UGT2B17: variants seen among roughly 807,000 people sequenced by gnomAD.
The protein encoded by UGT2B17 is UDP-glucuronosyltransferase 2B17.
UGT2B17 carries 21 observed loss-of-function variants against 48.2 expected under a neutral mutation model. The ratio of observed to expected loss-of-function variants is 0.44; its 90% confidence interval spans 0.31 to 0.63. The LOEUF (loss-of-function observed/expected upper bound fraction) is 0.63. Ranked by LOEUF, UGT2B17 falls within the 20% of genes least tolerant of loss-of-function variation. The pLI is 0.08. For missense variants in UGT2B17, 402 were observed against 696.1 expected (o/e 0.58, Z 4.75); for synonymous variants, 146 against 238.4 (o/e 0.61, Z 3.57).
In UGT2B17 at chr4:68,550,945, A is replaced by T. The variant is rs200882210; in HGVS notation, c.1094-49T>A. 249 of 1,289,798 alleles carry T rather than the reference A, an allele frequency of 1.9e-4. 53 individuals carry two copies. The highest frequency in any genetic ancestry group is 1.6e-3 in the Admixed American group (74 of 46,358). 79.9% of individuals were successfully genotyped at this position (1,289,798 alleles called of 1,614,324 possible). A position where few individuals can be genotyped will look rare whatever the true frequency, so the allele number is the denominator to read the frequency against. Reference sequence around the variant, plus strand: ...AAGTTATTAATTATAAGGCACAGGAATTGAATAAGAAATGCACAATATAAG... The same window carrying T: ...AAGTTATTAATTATAAGGCACAGGATTTGAATAAGAAATGCACAATATAAG... On this transcript the variant is annotated intron_variant, in intron 5 of 6. Coordinates refer to ENST00000317746, the MANE Select transcript of UGT2B17 (RefSeq NM_001077.4).
rs1182011820 is a variant in UGT2B17 at position 68,564,294 on chromosome 4, A to ATTTT, written c.873+1274_873+1277dup. ...ATTTCATATATATATATATATATAT[A>ATTTT]TTTTTTTTTTTTGAGACAGAGTCTC... On this transcript the variant is annotated intron_variant, in intron 3 of 6. Transcript: ENST00000317746. Among the ~76,000 whole-genome samples the ATTTT allele has an allele frequency of 6.6e-4, 50 of 75,762 alleles. 9 individuals carry two copies. Among genetic ancestry groups the ATTTT allele is most frequent in the African/African-American group, 2.4e-3 (47 of 19,708 alleles). 49.7% of individuals were successfully genotyped at this position (75,762 alleles called of 152,430 possible). A position where few individuals can be genotyped will look rare whatever the true frequency, so the allele number is the denominator to read the frequency against.
At chr4:68,571,038 G>T (rs554714997) in intron 1 of UGT2B17, among the ~76,000 whole-genome samples, 2 of 125,802 alleles carry the variant, frequency 1.6e-5, no homozygotes, top group Admixed American at 1.6e-4. Context: ...GTCTCTTGCC[G>T]GGCAAGAACG....
chr4:68,565,755 C>A lies in UGT2B17; in HGVS notation c.725-35G>T, dbSNP rs1279077033. Reference sequence around the variant, plus strand: ...AAAAACAAAACAAAACAAAAGGTAGCTAACACGAGAATTGTTATTTTAATA... The same window carrying A: ...AAAAACAAAACAAAACAAAAGGTAGATAACACGAGAATTGTTATTTTAATA... On this transcript the variant is annotated intron_variant, in intron 2 of 6. Coordinates refer to ENST00000317746, the MANE Select transcript of UGT2B17 (RefSeq NM_001077.4). 4.6e-6 allele frequency: 6 copies of A among 1,316,628 alleles called. 1 individual carries two copies. The highest frequency in any genetic ancestry group is 2.3e-5 in the Admixed American group (1 of 42,682). 81.6% of individuals were successfully genotyped at this position (1,316,628 alleles called of 1,614,324 possible).
chr4:68,562,270 C>T (rs1429796257), intron 3 of UGT2B17, among the ~76,000 whole-genome samples: 1 of 124,152 alleles, frequency 8.1e-6, no homozygotes, highest in Non-Finnish European at 1.7e-5. Flanking sequence ...CACCTGCCAC[C>T]ACGCCTGGCT....
chr4:68,544,406 TCAC>T lies in UGT2B17; in HGVS notation c.1313+6268_1313+6270del, dbSNP rs1269048247. 4.0e-5 allele frequency among the ~76,000 whole-genome samples: 5 copies of T among 125,700 alleles called. 1 individual carries two copies. The highest frequency in any genetic ancestry group is 1.4e-4 in the African/African-American group (5 of 36,800). The allele number at this position is 125,700 out of a possible 152,430, so 82.5% of individuals were successfully genotyped here. A position where few individuals can be genotyped will look rare whatever the true frequency, so the allele number is the denominator to read the frequency against. ...GACAAGCAAATGCTGAGAGATTTTG[TCAC>T]CACCAGGCCTGCCCTAAAAGAGCTC... is the stretch of plus-strand genomic sequence containing the variant. On this transcript the variant is annotated intron_variant, in intron 6 of 6. Coordinates refer to ENST00000317746, the MANE Select transcript of UGT2B17 (RefSeq NM_001077.4).
At chr4:68,562,148 C>G (rs1448894139) in intron 3 of UGT2B17, among the ~76,000 whole-genome samples, 1 of 124,006 alleles carries the variant, frequency 8.1e-6, no homozygotes, top group Non-Finnish European at 1.7e-5. Flanking sequence ...TGGAGTCTTG[C>G]TCTGTCACCT....
intron 6 of UGT2B17, among the ~76,000 whole-genome samples, chr4:68,541,826 G>A (rs188281112): frequency 7.9e-6 from 1 of 126,556 alleles, no homozygotes; most frequent in Non-Finnish European, 1.7e-5. Flanking sequence ...TTTGTATAAG[G>A]TGTAAGGCAG....
chr4:68,574,034 G>A (rs1260981739), intron 1 of UGT2B17, among the ~76,000 whole-genome samples: 1 of 126,684 alleles, frequency 7.9e-6, no homozygotes, highest in African/African-American at 2.7e-5. Context: ...AGTGGGAAGG[G>A]GACAATTAGG....
intron 1 of UGT2B17, among the ~76,000 whole-genome samples, chr4:68,573,252 T>TGGCCAGGAACCTCC (rs1731321682): frequency 7.8e-6 from 1 of 127,484 alleles, no homozygotes; most frequent in African/African-American, 2.7e-5. Flanking sequence ...CCATTGGCCT[T>TGGCCAGGAACCTCC]GGCCAGGAAC....
intron 3 of UGT2B17, among the ~76,000 whole-genome samples, chr4:68,564,686 T>G (rs1239753768): frequency 8.0e-6 from 1 of 124,644 alleles, no homozygotes; most frequent in Non-Finnish European, 1.7e-5. Flanking sequence ...AATGCAAGAC[T>G]TTACTTTTTT....
chr4:68,538,022 A>G lies in UGT2B17; in HGVS notation c.1314-118T>C. The G allele has an allele frequency of 4.0e-6, 3 of 748,948 alleles. 1 individual carries two copies. The highest frequency in any genetic ancestry group is 5.3e-6 in the Non-Finnish European group (3 of 568,808). The allele number at this position is 748,948 out of a possible 1,614,324, so 46.4% of individuals were successfully genotyped here. A position where few individuals can be genotyped will look rare whatever the true frequency, so the allele number is the denominator to read the frequency against. ...AGTGATTCAAAGTAAGTGTCATTGA[A>G]TTGACATAAAATATTAATGTTTTAA... On this transcript the variant is annotated intron_variant, in intron 6 of 6. Transcript: ENST00000317746.
chr4:68,548,268 C>A (rs1730855117), intron 6 of UGT2B17, among the ~76,000 whole-genome samples: 1 of 125,752 alleles, frequency 8.0e-6, no homozygotes, highest in African/African-American at 2.7e-5. Flanking sequence ...AGTTCATGTC[C>A]TTTGCAGGGA....
In UGT2B17 at chr4:68,566,385, C is replaced by G. The variant is rs1027549469; in HGVS notation, c.725-665G>C. Reference sequence around the variant, plus strand: ...AGTCACTAATATGGTTTGACTGTCCCCACCCAAATCTCCTCTCATCTTGAA... The same window carrying G: ...AGTCACTAATATGGTTTGACTGTCCGCACCCAAATCTCCTCTCATCTTGAA... On this transcript the variant is annotated intron_variant, in intron 2 of 6. Coordinates refer to ENST00000317746, the MANE Select transcript of UGT2B17 (RefSeq NM_001077.4). Among the ~76,000 whole-genome samples, 7 of 116,914 alleles carry G rather than the reference C, an allele frequency of 6.0e-5. 2 individuals are homozygous for G. The highest frequency in any genetic ancestry group is 1.2e-4 in the Non-Finnish European group (7 of 56,910). 76.7% of individuals were successfully genotyped at this position (116,914 alleles called of 152,430 possible). A position where few individuals can be genotyped will look rare whatever the true frequency, so the allele number is the denominator to read the frequency against.
At position 68,572,711 on chromosome 4, in the gene UGT2B17, G is replaced by A; in HGVS notation, c.-65+3240C>T. Reference sequence around the variant, plus strand: ...ACCTCAGTGACTTGATGTATATACTGGAAACAGTTCTTAGTCTGAGGAAGG... The same window carrying A: ...ACCTCAGTGACTTGATGTATATACTAGAAACAGTTCTTAGTCTGAGGAAGG... On this transcript the variant is annotated intron_variant, in intron 1 of 6. Coordinates refer to ENST00000317746, the MANE Select transcript of UGT2B17 (RefSeq NM_001077.4). 1.6e-5 allele frequency among the ~76,000 whole-genome samples: 2 copies of A among 126,800 alleles called. 1 individual carries two copies. The highest frequency in any genetic ancestry group is 5.4e-5 in the African/African-American group (2 of 37,016). 83.2% of individuals were successfully genotyped at this position (126,800 alleles called of 152,430 possible).
Position 68,575,931 on chromosome 4 carries a change from G to A in UGT2B17, c.-65+20C>T, listed in dbSNP as rs1731366910. 1.6e-5 allele frequency among the ~76,000 whole-genome samples: 2 copies of A among 126,422 alleles called. 1 individual carries two copies. Among genetic ancestry groups the A allele is most frequent in the Non-Finnish European group, 3.4e-5 (2 of 59,568 alleles). 82.9% of individuals were successfully genotyped at this position (126,422 alleles called of 152,430 possible). A position where few individuals can be genotyped will look rare whatever the true frequency, so the allele number is the denominator to read the frequency against. On this transcript the variant is annotated intron_variant, in intron 1 of 6. Coordinates refer to ENST00000317746, the MANE Select transcript of UGT2B17 (RefSeq NM_001077.4). ...CTTCTACTCAGGTGGAGTGGGACAA[G>A]TTCAAAAGACTAGTCTTACCAAGTT...
At position 68,537,611 on chromosome 4, in the gene UGT2B17, G is replaced by A; in HGVS notation, c.*14C>T. On this transcript the variant is annotated 3_prime_UTR_variant, in exon 7 of 7. Coordinates refer to ENST00000317746, the MANE Select transcript of UGT2B17 (RefSeq NM_001077.4). ...CCCATCTTTTGGTCATTCCACTTCA[G>A]GCTTTTGATATAACTAATCCCTTTT... 1 of 1,338,920 alleles carries A rather than the reference G, an allele frequency of 7.5e-7. No homozygotes were observed. 82.9% of individuals were successfully genotyped at this position (1,338,920 alleles called of 1,614,324 possible). A position where few individuals can be genotyped will look rare whatever the true frequency, so the allele number is the denominator to read the frequency against.
chr4:68,568,149 T>C lies in UGT2B17; in HGVS notation c.336A>G (p.Gln112=). The change falls in exon 2 of 7, where the codon CAA becomes CAG. Residue 112 remains glutamine (Q), a synonymous_variant. Transcript: ENST00000317746. ...AATATTCCCAACACAATTCTTGTAG[T>C]TGTGAAAAATATGACCAAAATGTAT... ...SKNTFWSYFS[Q]LQELCWEYSD... 1 of 1,381,274 alleles carries C rather than the reference T, an allele frequency of 7.2e-7. No individual in the cohort carries two copies. The highest frequency in any genetic ancestry group is 1.5e-5 in the African/African-American group (1 of 68,092). The allele number at this position is 1,381,274 out of a possible 1,614,324, so 85.6% of individuals were successfully genotyped here.
chr4:68,539,314 A>G lies in UGT2B17; in HGVS notation c.1314-1410T>C, dbSNP rs1730612448. Among the ~76,000 whole-genome samples the G allele has an allele frequency of 1.6e-5, 2 of 125,628 alleles. 1 individual carries two copies. Among genetic ancestry groups the G allele is most frequent in the African/African-American group, 5.4e-5 (2 of 36,930 alleles). The allele number at this position is 125,628 out of a possible 152,430, so 82.4% of individuals were successfully genotyped here. ...TCATAGATTATGTTTATATAATTGA[A>G]TTAAATAATACTTATTCATTTCTGT... On this transcript the variant is annotated intron_variant, in intron 6 of 6. Transcript: ENST00000317746.
intron 6 of UGT2B17, among the ~76,000 whole-genome samples, chr4:68,546,607 A>G (rs1730813928): frequency 7.9e-6 from 1 of 126,002 alleles, no homozygotes; most frequent in Non-Finnish European, 1.7e-5. Context: ...AATACAGGGT[A>G]TTCAATTAGG....
Sources: allele counts gnomAD v4.1 joint callset (sites outside exome capture counted in the v4.1 genomes callset), GRCh38; gene constraint gnomAD v4.1.1; transcripts MANE v1.5; gene names NCBI Gene and HGNC (gene_info 2026-07-23, HGNC 2026-07-21).